STIM2: variants seen among roughly 807,000 people sequenced by gnomAD.
STIM2 encodes the protein stromal interaction molecule 2.
A neutral mutation model predicts 85.8 loss-of-function variants in STIM2; 31 were observed. The observed-to-expected ratio is 0.36, with a 90% CI of 0.27 to 0.49. The LOEUF (loss-of-function observed/expected upper bound fraction) is 0.49, where lower values mean the gene tolerates loss of function less well. Ranked by LOEUF, STIM2 falls within the 20% of genes least tolerant of loss-of-function variation. The pLI is 0.98. For missense variants in STIM2, 841 were observed against 927.6 expected, an observed-to-expected ratio of 0.91 and a Z score of 1.21; for synonymous variants, 356 against 331.1, an observed-to-expected ratio of 1.08 and a Z score of -0.82.
Position 27,024,678 on chromosome 4 carries a change from A to G in STIM2, c.*1682A>G, listed in dbSNP as rs1390776589. ...TCTGTAAGGGCAAAAACGGATTGAA[A>G]TGAACATAGCGTTTTGCACTAATGA... On this transcript the variant is annotated 3_prime_UTR_variant, in exon 12 of 12. Transcript: ENST00000467087. 6.6e-6 allele frequency: 1 copy of G among 152,230 alleles called. No individual in the cohort carries two copies. The highest frequency in any genetic ancestry group is 1.5e-5 in the Non-Finnish European group (1 of 68,042). 9.4% of individuals were successfully genotyped at this position (152,230 alleles called of 1,614,324 possible).
At chr4:26,913,590 G>C (rs1724420680) in intron 1 of STIM2, among the ~76,000 whole-genome samples, 1 of 152,108 alleles carries the variant, frequency 6.6e-6, no homozygotes, top group Non-Finnish European at 1.5e-5. Context: ...TAACTACTTA[G>C]GTTTAAATTC....
chr4:27,020,012 A>G (rs1357560751), intron 11 of STIM2, among the ~76,000 whole-genome samples: 1 of 152,236 alleles, frequency 6.6e-6, no homozygotes, highest in Non-Finnish European at 1.5e-5. Flanking sequence ...TTAGTGATTA[A>G]TCAAATTTTC....
chr4:26,937,905 G>C (rs918606211), intron 2 of STIM2, among the ~76,000 whole-genome samples: 2 of 152,046 alleles, frequency 1.3e-5, no homozygotes, highest in Non-Finnish European at 2.9e-5. Context: ...TTTTTGTATT[G>C]TATAGCTTGT....
intron 3 of STIM2, among the ~76,000 whole-genome samples, chr4:26,971,530 G>T (rs1419482695): frequency 1.3e-5 from 2 of 152,070 alleles, no homozygotes; most frequent in Non-Finnish European, 2.9e-5. Flanking sequence ...TTTTTGTCAG[G>T]TTTGTCAAAG....
At chr4:26,967,585 A>G (rs1007401843) in intron 3 of STIM2, among the ~76,000 whole-genome samples, 3 of 152,192 alleles carry the variant, frequency 2.0e-5, no homozygotes, top group Non-Finnish European at 4.4e-5. Flanking sequence ...CAGTAATAAG[A>G]ATAGATGTAC....
At chr4:26,999,397 A>T in intron 5 of STIM2, 50 bp downstream of exon 5, 1 of 1,126,470 alleles carries the variant, frequency 8.9e-7, no homozygotes, top group Non-Finnish European at 1.2e-6. Flanking sequence ...TATCCTGATC[A>T]TCTCTGTGTT....
chr4:26,949,470 A>G (rs1278512213), intron 2 of STIM2, among the ~76,000 whole-genome samples: 2 of 152,202 alleles, frequency 1.3e-5, no homozygotes, highest in Non-Finnish European at 2.9e-5. Flanking sequence ...ACTAATGTAA[A>G]GTTTCTTTTT....
At chr4:26,949,774 C>G (rs1356739915) in intron 2 of STIM2, among the ~76,000 whole-genome samples, 1 of 152,110 alleles carries the variant, frequency 6.6e-6, no homozygotes, top group Non-Finnish European at 1.5e-5. Flanking sequence ...TTGGCTCCTC[C>G]TCTTATCTTC....
intron 4 of STIM2, among the ~76,000 whole-genome samples, chr4:26,997,922 A>G (rs901032724): frequency 6.6e-6 from 1 of 152,174 alleles, no homozygotes; most frequent in Non-Finnish European, 1.5e-5. Context: ...ATACTTAGAG[A>G]GTACTGATAT....
At chr4:26,939,358 T>C (rs1725512963) in intron 2 of STIM2, among the ~76,000 whole-genome samples, 1 of 152,172 alleles carries the variant, frequency 6.6e-6, no homozygotes, top group Non-Finnish European at 1.5e-5. Flanking sequence ...ATCTTGGCCT[T>C]TCTGGGTCTG....
At position 27,009,010 on chromosome 4, in the gene STIM2, G is replaced by T. The variant is rs1728470246; in HGVS notation, c.1489+8G>T. ...TAGTGTCACAATTTCCCGGTAAGTG[G>T]CAATTTCAACAAAAATTGTTGGTAC... On this transcript the variant is annotated splice_region_variant and intron_variant, in intron 10 of 11. Coordinates refer to ENST00000467087, the MANE Select transcript of STIM2 (RefSeq NM_020860.4). The T allele has an allele frequency of 1.2e-6, 2 of 1,605,702 alleles. No individual in the cohort carries two copies. The highest frequency in any genetic ancestry group is 8.5e-7 in the Non-Finnish European group (1 of 1,174,840).
chr4:26,978,753 A>G (rs1727284817), intron 3 of STIM2, among the ~76,000 whole-genome samples: 1 of 152,318 alleles, frequency 6.6e-6, no homozygotes, highest in South Asian at 2.1e-4. Context: ...TCTCCAAAGA[A>G]GGAAGAGAGA....
intron 1 of STIM2, among the ~76,000 whole-genome samples, chr4:26,919,071 T>C (rs1724699844): frequency 6.6e-6 from 1 of 152,014 alleles, no homozygotes; most frequent in Non-Finnish European, 1.5e-5. Context: ...TAGGACTCAT[T>C]TTGATTAAAC....
At chr4:26,907,871 CT>C (rs1356453700) in intron 1 of STIM2, among the ~76,000 whole-genome samples, 2 of 152,200 alleles carry the variant, frequency 1.3e-5, no homozygotes, top group African/African-American at 4.8e-5. Flanking sequence ...CCTCATTTCC[CT>C]TGCTATGTGG....
At chr4:27,020,443 C>A (rs1469089844) in intron 11 of STIM2, among the ~76,000 whole-genome samples, 1 of 152,126 alleles carries the variant, frequency 6.6e-6, no homozygotes, top group African/African-American at 2.4e-5. Flanking sequence ...TTAGCACTAC[C>A]CATTATTGAA....
Position 27,002,386 on chromosome 4 carries a change from A to G in STIM2, c.795A>G (p.Leu265=). 6.3e-7 allele frequency: 1 copy of G among 1,598,876 alleles called. No individual in the cohort carries two copies. The highest frequency in any genetic ancestry group is 2.2e-5 in the East Asian group (1 of 44,726). ...CTGCAGAGCAAAGTCTAATGGACTT[A>G]CAGGAGAGGTAAGTTCAGAAAAATC... is the stretch of plus-strand genomic sequence containing the variant. Residue 265 remains leucine, a synonymous_variant, in exon 6 of 12, where the codon TTA becomes TTG. Coordinates refer to ENST00000467087, the MANE Select transcript of STIM2 (RefSeq NM_020860.4).
intron 1 of STIM2, among the ~76,000 whole-genome samples, chr4:26,887,894 A>G (rs1011060510): frequency 2.6e-5 from 4 of 152,218 alleles, no homozygotes; most frequent in Non-Finnish European, 5.9e-5. Context: ...TGGCTGAGGT[A>G]ATTGAAAAGA....
intron 1 of STIM2, among the ~76,000 whole-genome samples, chr4:26,904,815 G>C (rs971134168): frequency 1.3e-5 from 2 of 150,454 alleles, no homozygotes; most frequent in Admixed American, 6.6e-5. Flanking sequence ...TTATATGCCC[G>C]TGGCAACAAT....
At chr4:26,869,436 T>A (rs908925682) in intron 1 of STIM2, among the ~76,000 whole-genome samples, 4 of 151,860 alleles carry the variant, frequency 2.6e-5, no homozygotes, top group Non-Finnish European at 1.5e-5. Flanking sequence ...GTGCATAGAG[T>A]TTTAAACATT....
Sources: gnomAD v4.1 joint callset for allele counts (sites outside exome capture counted in the v4.1 genomes callset) on GRCh38, gnomAD v4.1.1 for gene constraint, MANE v1.5 for transcripts, NCBI Gene and HGNC (gene_info 2026-07-23, HGNC 2026-07-21) for gene names.